Variants in CYLC1 observed in about 807,000 individuals in gnomAD.
CYLC1 encodes the protein cylicin 1, also known as cylicin-1.
Under a neutral mutation model 31.6 loss-of-function variants are expected in CYLC1, and 2 were observed. The observed-to-expected ratio is 0.06, with a 90% confidence interval of 0.03 to 0.20. The LOEUF (loss-of-function observed/expected upper bound fraction) is 0.20. Ranked by LOEUF, CYLC1 falls within the 10% of genes least tolerant of loss-of-function variation. The pLI is 1.00. For synonymous variants in CYLC1, 185 were observed against 153.0 expected, an observed-to-expected ratio of 1.21 and a Z score of -1.54; for missense variants, 595 against 424.1, an observed-to-expected ratio of 1.40 and a Z score of -3.54.
At position 83,874,172 on chromosome X, in the gene CYLC1, T is replaced by A. The variant is rs1602304555; in HGVS notation, c.1464T>A (p.Ser488=). The change falls in exon 4 of 5, where the codon TCT becomes TCA. Residue 488 remains serine, a synonymous_variant. Transcript: ENST00000329312. ...ATGCAGAATCTACTGAAATGGAATC[T>A]GATTTGGAGTTAAAGAAGGACAAGA... The part of the protein sequence containing the change: ...KKNAESTEME[S]DLELKKDKKH... 2.4e-5 allele frequency: 29 copies of A among 1,202,416 alleles called. No individual in the cohort carries two copies. The East Asian group carries it at 8.6e-4, about 36-fold the overall frequency.
chrX:83,877,347 C>T (rs1397529712), intron 4 of CYLC1, among the ~76,000 whole-genome samples: 1 of 111,271 alleles, frequency 9.0e-6, no homozygotes, highest in Non-Finnish European at 1.9e-5. Context: ...CTCCTGGGCT[C>T]AAGCAATCTT....
intron 3 of CYLC1, 91 bp downstream of exon 3, chrX:83,871,661 C>T: frequency 1.2e-6 from 1 of 842,843 alleles, no homozygotes; most frequent in South Asian, 2.9e-5. Flanking sequence ...TTGAATTTTA[C>T]TACCTGTTGG....
chrX:83,870,871 C>T (rs1001910470), intron 2 of CYLC1, among the ~76,000 whole-genome samples: 27 of 110,712 alleles, frequency 2.4e-4, no homozygotes, highest in African/African-American at 8.5e-4. Flanking sequence ...TGTATATGGC[C>T]TTCTTTAAAT....
intron 4 of CYLC1, among the ~76,000 whole-genome samples, chrX:83,878,452 TAAATATATA>T (rs2031856698): frequency 2.9e-5 from 2 of 69,198 alleles, no homozygotes; most frequent in Non-Finnish European, 4.9e-5. Flanking sequence ...TAAATATATA[TAAATATATA>T]TAAATATATA....
rs998351099 is a variant in CYLC1, at chrX:83,865,037, A to G, written c.17+3838A>G. Among the ~76,000 whole-genome samples, 3 of 111,251 alleles carry G rather than the reference A, an allele frequency of 2.7e-5. No individual in the cohort carries two copies. The East Asian group carries it at 8.5e-4, about 31-fold the overall frequency. ...TGCCATCTAAATGCTGATGAATTCT[A>G]AATTTATATCTCTGTTCCAGACCAC... On this transcript the variant is annotated intron_variant, in intron 1 of 4. Transcript: ENST00000329312.
Position 83,874,161 on chromosome X carries a change from G to C in CYLC1, c.1453G>C (p.Glu485Gln). Residue 485 changes from glutamate (E) to glutamine (Q), a missense_variant, in exon 4 of 5, where the codon GAA (glutamate) becomes CAA (glutamine). Glu to Gln is a conservative substitution (Grantham distance 29). Coordinates refer to ENST00000329312, the MANE Select transcript of CYLC1 (RefSeq NM_021118.3). Reference sequence around the variant, plus strand: ...TGCAAAGAAAAATGCAGAATCTACTGAAATGGAATCTGATTTGGAGTTAAA... The same window carrying C: ...TGCAAAGAAAAATGCAGAATCTACTCAAATGGAATCTGATTTGGAGTTAAA... ...KDAKKNAEST[E>Q]MESDLELKKD... 7.5e-6 allele frequency: 9 copies of C among 1,203,352 alleles called. No individual in the cohort carries two copies. The highest frequency in any genetic ancestry group is 1.0e-5 in the Non-Finnish European group (9 of 891,739).
At chrX:83,879,656 C>T (rs183918885) in intron 4 of CYLC1, among the ~76,000 whole-genome samples, 10 of 110,465 alleles carry the variant, frequency 9.1e-5, no homozygotes, top group Non-Finnish European at 5.7e-5. Flanking sequence ...CTAGGTAACA[C>T]TTATCAACAA....
Position 83,872,925 on chromosome X carries a change from G to C in CYLC1, c.217G>C (p.Ala73Pro). The change falls in exon 4 of 5, where the codon GCT (alanine) becomes CCT (proline). Residue 73 changes from alanine (A) to proline (P), a missense_variant. Physicochemically the swap from Ala to Pro is conservative, Grantham distance 27 (BLOSUM62 -1). Transcript: ENST00000329312. ...AAAACTAGAAGAAGGCCAGAAACCA[G>C]CTCATAAATGGATAAGGCATTCTTT... Reference protein sequence around the residue: ...KRKLEEGQKPAHKWIRHSFRK... With the variant: ...KRKLEEGQKPPHKWIRHSFRK... 1 of 1,187,897 alleles carries C rather than the reference G, an allele frequency of 8.4e-7. No homozygotes were observed. Among genetic ancestry groups the C allele is most frequent in the East Asian group, 3.0e-5 (1 of 33,358 alleles).
chrX:83,878,022 A>C (rs1301555497), intron 4 of CYLC1, among the ~76,000 whole-genome samples: 1 of 69,030 alleles, frequency 1.4e-5, no homozygotes, highest in African/African-American at 5.7e-5. Flanking sequence ...ATATAAAAAT[A>C]TATATATTTG....
chrX:83,876,931 C>G lies in CYLC1; in HGVS notation c.1923+2300C>G, dbSNP rs1419267696. On this transcript the variant is annotated intron_variant, in intron 4 of 4. Transcript: ENST00000329312. ...AATATTATCTATGTATTGATGATTC[C>G]AAAATTAATATCTCCAGTTATGACC... Among the ~76,000 whole-genome samples, 3 of 110,793 alleles carry G rather than the reference C, an allele frequency of 2.7e-5. No homozygotes were observed. The Admixed American group carries it at 2.9e-4, about 11-fold the overall frequency.
At chrX:83,878,121 TATAA>T (rs1201083412) in intron 4 of CYLC1, among the ~76,000 whole-genome samples, 2 of 50,836 alleles carry the variant, frequency 3.9e-5, no homozygotes, top group African/African-American at 1.7e-4. Flanking sequence ...TATATTTGTA[TATAA>T]ATATATATAT....
intron 1 of CYLC1, among the ~76,000 whole-genome samples, chrX:83,866,503 C>G (rs1036805424): frequency 9.0e-6 from 1 of 110,701 alleles, no homozygotes; most frequent in Non-Finnish European, 1.9e-5. Flanking sequence ...TAGATTTGTC[C>G]GTTTAATTCT....
rs752754271 is a variant in CYLC1 at position 83,874,142 on chromosome X, G to A, written c.1434G>A (p.Lys478=). The A allele has an allele frequency of 8.3e-7, 1 of 1,201,092 alleles. No individual in the cohort carries two copies. The change falls in exon 4 of 5, where the codon AAG becomes AAA. Residue 478 remains lysine, a synonymous_variant. Transcript: ENST00000329312. ...SKKDDKKKDA[K]KNAESTEMES... Reference sequence around the variant, plus strand: ...AAGATGACAAAAAGAAGGATGCAAAGAAAAATGCAGAATCTACTGAAATGG... The same window carrying A: ...AAGATGACAAAAAGAAGGATGCAAAAAAAAATGCAGAATCTACTGAAATGG...
chrX:83,885,349 T>A (rs969684581), intron 4 of CYLC1, among the ~76,000 whole-genome samples: 40 of 109,188 alleles, frequency 3.7e-4, no homozygotes, highest in African/African-American at 1.2e-3. Flanking sequence ...AATCAAGAAA[T>A]AGAAATAGAT....
chrX:83,886,485 A>C (rs896878845), intron 4 of CYLC1, 67 bp from the exon 5 acceptor site: 1 of 1,021,734 alleles, frequency 9.8e-7, no homozygotes, highest in African/African-American at 1.9e-5. Flanking sequence ...AACACATCAT[A>C]GTTGTCTTGA....
intron 4 of CYLC1, among the ~76,000 whole-genome samples, chrX:83,885,487 T>C (rs2031968783): frequency 9.1e-6 from 1 of 109,495 alleles, no homozygotes; most frequent in East Asian, 2.8e-4. Flanking sequence ...ATATAAATCT[T>C]ATGTATATTA....
chrX:83,868,797 T>C (rs979930304), intron 1 of CYLC1, among the ~76,000 whole-genome samples: 5 of 111,350 alleles, frequency 4.5e-5, no homozygotes, highest in African/African-American at 1.6e-4. Flanking sequence ...CACTTTAAAA[T>C]AACTTGGTAT....
intron 1 of CYLC1, among the ~76,000 whole-genome samples, chrX:83,866,555 A>T (rs1054630145): frequency 1.8e-5 from 2 of 110,793 alleles, no homozygotes; most frequent in African/African-American, 6.6e-5. Context: ...CCAAACTCTC[A>T]GTGTTTCTGC....
intron 4 of CYLC1, among the ~76,000 whole-genome samples, chrX:83,882,960 G>A (rs2031932846): frequency 1.8e-5 from 2 of 110,347 alleles, no homozygotes; most frequent in Non-Finnish European, 3.8e-5. Context: ...GAGAAATATA[G>A]TACCTAACCT....
Sources: gnomAD v4.1 joint callset for allele counts (sites outside exome capture counted in the v4.1 genomes callset) on GRCh38, gnomAD v4.1.1 for gene constraint, MANE v1.5 for transcripts, NCBI Gene and HGNC (gene_info 2026-07-23, HGNC 2026-07-21) for gene names.